Variants in ABCC2 observed in about 807,000 individuals in gnomAD.
The protein encoded by ABCC2 is ATP binding cassette subfamily C member 2.
In ABCC2, 157 loss-of-function variants were observed where a neutral mutation model predicts 173.4. The observed-to-expected ratio is 0.91, with a 90% CI of 0.80 to 1.03. The LOEUF is 1.03. ABCC2 is among the 50% of genes least tolerant of loss of function. ABCC2 has a pLI of 0.00. For missense variants in ABCC2, 1,822 were observed against 1,852.3 expected (o/e 0.98, Z 0.30); for synonymous variants, 657 against 693.5 (o/e 0.95, Z 0.83).
intron 3 of ABCC2, 47 bp from the exon 4 acceptor site, chr10:99,793,504 C>T (rs756103871): frequency 8.1e-6 from 13 of 1,612,664 alleles, no homozygotes; most frequent in East Asian, 4.5e-5. Flanking sequence ...CCTCAGTCCT[C>T]GGTTAGTGGC....
chr10:99,836,946 C>A (rs933343279), intron 25 of ABCC2, among the ~76,000 whole-genome samples: 1 of 152,026 alleles, frequency 6.6e-6, no homozygotes, highest in Non-Finnish European at 1.5e-5. Flanking sequence ...AGATGCTCAG[C>A]ATTATTTGGA....
chr10:99,817,381 C>T lies in ABCC2; in HGVS notation c.2168C>T (p.Thr723Ile), dbSNP rs1019638803. ...GTIKDNILFG[T>I]EFNEKRYQQV... ...ATAAAGGACAACATCCTTTTTGGAACAGAGTTTAATGAAAAGAGGTACCAG... is the reference window on the plus strand; with the variant it reads ...ATAAAGGACAACATCCTTTTTGGAATAGAGTTTAATGAAAAGAGGTACCAG... The change falls in exon 17 of 32, where the codon ACA becomes ATA. Residue 723 changes from threonine (T) to isoleucine (I), a missense_variant. Physicochemically the swap from Thr to Ile is moderately conservative, Grantham distance 89. Coordinates refer to ENST00000647814, the MANE Select transcript of ABCC2 (RefSeq NM_000392.5). 1.2e-6 allele frequency: 2 copies of T among 1,614,116 alleles called. No homozygotes were observed. The highest frequency in any genetic ancestry group is 2.2e-5 in the South Asian group (2 of 91,078).
In ABCC2 at chr10:99,851,817, C is replaced by G. The variant is rs1207716905; in HGVS notation, c.*186C>G. ...ATGTCACCAGGTACTTGAGAAACCC[C>G]TCGATTGTCTACCTCGATCGTACTT... On this transcript the variant is annotated 3_prime_UTR_variant, in exon 32 of 32. Transcript: ENST00000647814. 3.6e-6 allele frequency: 2 copies of G among 549,436 alleles called. No individual in the cohort carries two copies. The highest frequency in any genetic ancestry group is 3.3e-5 in the East Asian group (1 of 30,768). The allele number at this position is 549,436 out of a possible 1,614,324, so 34.0% of individuals were successfully genotyped here. A position where few individuals can be genotyped will look rare whatever the true frequency, so the allele number is the denominator to read the frequency against.
At position 99,794,142 on chromosome 10, in the gene ABCC2, A is replaced by G. The variant is rs901021571; in HGVS notation, c.576+143A>G. The stretch of plus-strand genomic sequence containing the variant: ...AGACCATTTTATGACAAGGAAACAG[A>G]TAGTGATGAGAGTAAAATACTGACT... On this transcript the variant is annotated intron_variant, in intron 5 of 31. Transcript: ENST00000647814. 22 of 680,040 alleles carry G rather than the reference A, an allele frequency of 3.2e-5. No homozygotes were observed. In the African/African-American group the frequency reaches 8.9e-4, roughly 28 times the overall value. 42.1% of individuals were successfully genotyped at this position (680,040 alleles called of 1,614,324 possible).
At chr10:99,833,420 CTG>C in intron 23 of ABCC2, among the ~76,000 whole-genome samples, 1 of 152,248 alleles carries the variant, frequency 6.6e-6, no homozygotes, top group African/African-American at 2.4e-5. Context: ...AGAAAGGAAA[CTG>C]TCATTAATTA....
intron 26 of ABCC2, among the ~76,000 whole-genome samples, chr10:99,843,085 A>G (rs1005365680): frequency 6.6e-6 from 1 of 151,976 alleles, no homozygotes; most frequent in Non-Finnish European, 1.5e-5. Flanking sequence ...ATAAGGCCCA[A>G]TGTGTTCCTG....
chr10:99,822,173 A>G (rs1471696208), intron 19 of ABCC2, among the ~76,000 whole-genome samples: 1 of 152,164 alleles, frequency 6.6e-6, no homozygotes, highest in Non-Finnish European at 1.5e-5. Context: ...TAGGCCCAGT[A>G]GGTATAGTTA....
chr10:99,814,377 A>C (rs551153421), intron 16 of ABCC2, among the ~76,000 whole-genome samples: 676 of 23,346 alleles, frequency 0.029, 83 homozygotes, highest in South Asian at 0.088. Flanking sequence ...GTATATATAC[A>C]CATATATACA....
intron 20 of ABCC2, 49 bp from the exon 21 acceptor site, chr10:99,830,667 A>G (rs761289163): frequency 5.0e-6 from 8 of 1,613,530 alleles, no homozygotes; most frequent in Non-Finnish European, 6.8e-6. Context: ...TGCTTGCAAG[A>G]AGACCCTTGG....
intron 30 of ABCC2, among the ~76,000 whole-genome samples, chr10:99,850,221 G>C (rs2039069417): frequency 6.6e-6 from 1 of 152,216 alleles, no homozygotes; most frequent in Non-Finnish European, 1.5e-5. Flanking sequence ...TGTTGTTTTG[G>C]AAATGTTGAT....
chr10:99,848,591 C>T (rs920534548), intron 30 of ABCC2, among the ~76,000 whole-genome samples: 5 of 152,228 alleles, frequency 3.3e-5, no homozygotes, highest in Non-Finnish European at 7.3e-5. Context: ...TGTGCAGAAT[C>T]TCAGGGCGTA....
At position 99,850,699 on chromosome 10, in the gene ABCC2, A is replaced by T. The variant is rs2039076103; in HGVS notation, c.4411A>T (p.Thr1471Ser). The change falls in exon 31 of 32, where the codon ACA becomes TCA. Residue 1471 changes from threonine (T) to serine (S), a missense_variant. Physicochemically the swap from Thr to Ser is moderately conservative, Grantham distance 58. Coordinates refer to ENST00000647814, the MANE Select transcript of ABCC2 (RefSeq NM_000392.5). ...DEATAAVDLE[T>S]DNLIQTTIQN... Reference sequence around the variant, plus strand: ...GGCCACTGCTGCGGTGGATCTAGAGACAGACAACCTCATTCAGACGACCAT... The same window carrying T: ...GGCCACTGCTGCGGTGGATCTAGAGTCAGACAACCTCATTCAGACGACCAT... The T allele has an allele frequency of 6.2e-7, 1 of 1,614,046 alleles. No individual in the cohort carries two copies. The highest frequency in any genetic ancestry group is 8.5e-7 in the Non-Finnish European group (1 of 1,180,022).
intron 29 of ABCC2, among the ~76,000 whole-genome samples, chr10:99,846,636 G>A (rs1301034922): frequency 1.3e-5 from 2 of 152,228 alleles, no homozygotes; most frequent in Non-Finnish European, 2.9e-5. Flanking sequence ...CTACTCGGGA[G>A]GCTGAGGTGG....
chr10:99,848,012 A>G (rs2039042601), intron 30 of ABCC2, among the ~76,000 whole-genome samples: 1 of 152,240 alleles, frequency 6.6e-6, no homozygotes, highest in Non-Finnish European at 1.5e-5. Flanking sequence ...CACAGAAAGC[A>G]GAGGCTCCCA....
At chr10:99,792,430 T>C in intron 3 of ABCC2, 71 bp downstream of exon 3, 1 of 1,589,192 alleles carries the variant, frequency 6.3e-7, no homozygotes, top group South Asian at 1.1e-5. Context: ...AATGTACTCT[T>C]TGGGGATGAA....
At chr10:99,814,376 C>T (rs200539645) in intron 16 of ABCC2, among the ~76,000 whole-genome samples, 2 of 22,568 alleles carry the variant, frequency 8.9e-5, no homozygotes, top group African/African-American at 1.4e-4. Context: ...TGTATATATA[C>T]ACATATATAC....
intron 7 of ABCC2, chr10:99,798,202 C>A (rs1412281428): frequency 6.6e-6 from 1 of 152,194 alleles, no homozygotes; most frequent in Admixed American, 6.6e-5. Context: ...GAGGATGGAT[C>A]GTTGTGGGCA....
intron 19 of ABCC2, among the ~76,000 whole-genome samples, chr10:99,822,854 G>T (rs1052916232): frequency 4.6e-5 from 7 of 152,056 alleles, no homozygotes; most frequent in African/African-American, 1.7e-4. Context: ...AGGCATTCCT[G>T]TTGTATGTGA....
chr10:99,814,767 ATGTG>A (rs749137933), intron 16 of ABCC2, among the ~76,000 whole-genome samples: 4 of 129,066 alleles, frequency 3.1e-5, no homozygotes, highest in Admixed American at 1.5e-4. Flanking sequence ...ACACACATAT[ATGTG>A]TGTGTATGTA....
Sources: gnomAD v4.1 joint callset for allele counts (sites outside exome capture counted in the v4.1 genomes callset) on GRCh38, gnomAD v4.1.1 for gene constraint, MANE v1.5 for transcripts, NCBI Gene and HGNC (gene_info 2026-07-23, HGNC 2026-07-21) for gene names.